The following TNN variants were observed in gnomAD, a reference collection of about 807,000 sequenced individuals.
TNN encodes tenascin N.
A neutral mutation model predicts 134.4 loss-of-function variants in TNN; 122 were observed. That is an observed-to-expected ratio of 0.91 (90% CI 0.78 to 1.06). The LOEUF is 1.06. TNN is among the 50% of genes least tolerant of loss of function. The pLI, the probability that TNN is intolerant of heterozygous loss-of-function variation, is 0.00. For missense variants in TNN, 1,739 were observed against 1,699.4 expected (o/e 1.02, Z -0.41); for synonymous variants, 710 against 670.3 (o/e 1.06, Z -0.91).
rs184282750 is a variant in TNN at position 175,094,964 on chromosome 1, T to C, written c.1588+711T>C. Among the ~76,000 whole-genome samples the C allele has an allele frequency of 8.2e-4, 125 of 152,328 alleles. 1 individual carries two copies. The highest frequency in any genetic ancestry group is 2.9e-3 in the African/African-American group (121 of 41,592). ...GGACAGTTACTGAGTATAGAGACTC[T>C]CAGAGAAGCAGAGAGATGGTTAGGA... is the stretch of plus-strand genomic sequence containing the variant. On this transcript the variant is annotated intron_variant, in intron 7 of 18. Coordinates refer to ENST00000239462, the MANE Select transcript of TNN (RefSeq NM_022093.2).
chr1:175,080,720 C>T (rs1674179464), intron 4 of TNN, among the ~76,000 whole-genome samples: 1 of 152,152 alleles, frequency 6.6e-6, no homozygotes. Flanking sequence ...CATGAATCCC[C>T]AGTCTCTTAC....
intron 9 of TNN, among the ~76,000 whole-genome samples, chr1:175,114,637 T>A (rs1189431618): frequency 1.3e-5 from 2 of 152,166 alleles, no homozygotes; most frequent in Admixed American, 6.5e-5. Context: ...GGGCTGGATA[T>A]AGGATGCCTA....
rs771486531 is a variant in TNN at position 175,127,089 on chromosome 1, C to CGG, written c.3045+7_3045+8dup. On this transcript the variant is annotated splice_donor_region_variant and intron_variant, in intron 13 of 18. Transcript: ENST00000239462. ...GTTCCCAGATGGCACAGTTAAGGTA[C>CGG]GGGGATTCCTTGTCTTTTCTCCTGG... 5.0e-6 allele frequency: 8 copies of CGG among 1,611,780 alleles called. No individual in the cohort carries two copies. The East Asian group carries it at 1.8e-4, about 36-fold the overall frequency.
At chr1:175,130,307 G>A (rs1675642573) in intron 15 of TNN, among the ~76,000 whole-genome samples, 1 of 152,226 alleles carries the variant, frequency 6.6e-6, no homozygotes, top group African/African-American at 2.4e-5. Flanking sequence ...CTGATGAGCA[G>A]CAATGAAGAA....
At position 175,095,681 on chromosome 1, in the gene TNN, C is replaced by T. The variant is rs1225610357; in HGVS notation, c.1588+1428C>T. ...CTCCATCTCCCGGGTTCAAGCGATT[C>T]TCCTGCCTCAGCCTCCCAAGTAGCT... On this transcript the variant is annotated intron_variant, in intron 7 of 18. Coordinates refer to ENST00000239462, the MANE Select transcript of TNN (RefSeq NM_022093.2). Among the ~76,000 whole-genome samples the T allele has an allele frequency of 2.0e-5, 3 of 152,196 alleles. No homozygotes were observed. In the East Asian group the frequency reaches 5.8e-4, roughly 29 times the overall value.
At position 175,094,161 on chromosome 1, in the gene TNN, C is replaced by G. The variant is rs17374761; in HGVS notation, c.1496C>G (p.Thr499Arg). Residue 499 changes from threonine to arginine, a missense_variant, in exon 7 of 19, where the codon ACG becomes AGG. By Grantham distance (71) the Thr-to-Arg change is moderately conservative. Coordinates refer to ENST00000239462, the MANE Select transcript of TNN (RefSeq NM_022093.2). ...VHKDESSTVL[T>R]GLKPGEAYKV... ...AAGGATGAGAGCAGCACTGTCCTGACGGGCCTGAAGCCAGGAGAGGCATAC... is the reference window on the plus strand; with the variant it reads ...AAGGATGAGAGCAGCACTGTCCTGAGGGGCCTGAAGCCAGGAGAGGCATAC... The G allele has an allele frequency of 1.2e-6, 2 of 1,614,086 alleles. No homozygotes were observed. Among genetic ancestry groups the G allele is most frequent in the Non-Finnish European group, 1.7e-6 (2 of 1,180,002 alleles).
chr1:175,108,539 C>G lies in TNN; in HGVS notation c.2120-8400C>G, dbSNP rs112974843. On this transcript the variant is annotated intron_variant, in intron 9 of 18. Transcript: ENST00000239462. The stretch of plus-strand genomic sequence containing the variant: ...ATTCGTTGGGGAGGCTCGGGCTGCA[C>G]AGGAACCCACGGAGGCAGGGGAAGG... 3.7e-3 allele frequency among the ~76,000 whole-genome samples: 567 copies of G among 152,344 alleles called. 6 individuals are homozygous for G. Among genetic ancestry groups the G allele is most frequent in the African/African-American group, 0.013 (530 of 41,578 alleles).
intron 17 of TNN, among the ~76,000 whole-genome samples, chr1:175,141,997 C>G (rs1675953602): frequency 6.6e-6 from 1 of 152,118 alleles, no homozygotes; most frequent in South Asian, 2.1e-4. Context: ...AGCCTCTGCA[C>G]AGATTCTTAG....
rs780403398 is a variant in TNN, at chr1:175,103,112, G to T, written c.2119+4517G>T. The stretch of plus-strand genomic sequence containing the variant: ...TAGCTTGATGGCCTCGATTCTAGAG[G>T]AAACAAATTTGACAAGAAGGTTAAA... On this transcript the variant is annotated intron_variant, in intron 9 of 18. Coordinates refer to ENST00000239462, the MANE Select transcript of TNN (RefSeq NM_022093.2). 2.7e-5 allele frequency among the ~76,000 whole-genome samples: 4 copies of T among 145,964 alleles called. 1 individual carries two copies. Among genetic ancestry groups the T allele is most frequent in the Non-Finnish European group, 6.1e-5 (4 of 65,752 alleles).
chr1:175,088,006 A>G (rs1185020851), intron 6 of TNN, among the ~76,000 whole-genome samples: 1 of 152,242 alleles, frequency 6.6e-6, no homozygotes, highest in Non-Finnish European at 1.5e-5. Context: ...ACGTGCTTCC[A>G]TGGCCTCTGT....
Position 175,117,040 on chromosome 1 carries a change from C to CGCTACA in TNN, c.2222_2227dup (p.Tyr742_Thr743insSerTyr). 1.9e-6 allele frequency: 3 copies of CGCTACA among 1,614,182 alleles called. No homozygotes were observed. The highest frequency in any genetic ancestry group is 2.5e-6 in the Non-Finnish European group (3 of 1,180,038). On this transcript the variant is annotated inframe_insertion, in exon 10 of 19. Transcript: ENST00000239462. Reference sequence around the variant, plus strand: ...GGCCACCATTGACAGGTATGTGGTGCGCTACACCTCTGCCAAGGACGGAGA... The same window carrying CGCTACA: ...GGCCACCATTGACAGGTATGTGGTGCGCTACAGCTACACCTCTGCCAAGGACGGAGA...
chr1:175,136,322 C>T (rs1173696839), intron 16 of TNN, among the ~76,000 whole-genome samples: 1 of 150,876 alleles, frequency 6.6e-6, no homozygotes, highest in Non-Finnish European at 1.5e-5. Flanking sequence ...GCAATTTTTT[C>T]CCCCTTTTCC....
chr1:175,135,852 A>G lies in TNN; in HGVS notation c.3338A>G (p.Gln1113Arg). 6.2e-7 allele frequency: 1 copy of G among 1,613,572 alleles called. No homozygotes were observed. Residue 1113 changes from glutamine to arginine, a missense_variant, in exon 16 of 19, where the codon CAG (glutamine) becomes CGG (arginine). Gln to Arg is a conservative substitution (Grantham distance 43, BLOSUM62 1). Coordinates refer to ENST00000239462, the MANE Select transcript of TNN (RefSeq NM_022093.2). ...ATTCATCTTCCTTCTCAGGTCTTCC[A>G]GAGGCGGAACACTGGGCAGCTGGAT... ...ETDGGGWIVFQRRNTGQLDFF... is the reference protein window; with the variant it reads ...ETDGGGWIVFRRRNTGQLDFF...
intron 9 of TNN, among the ~76,000 whole-genome samples, chr1:175,109,872 G>A (rs1479746295): frequency 6.6e-6 from 1 of 151,918 alleles, no homozygotes; most frequent in Non-Finnish European, 1.5e-5. Flanking sequence ...TGTATACTCA[G>A]CAGTGAGGTT....
At chr1:175,098,698 C>T in intron 9 of TNN, 103 bp downstream of exon 9, 3 of 1,524,428 alleles carry the variant, frequency 2.0e-6, no homozygotes, top group Non-Finnish European at 2.7e-6. Flanking sequence ...TATGGAAGAG[C>T]AGGTTGGTAT....
rs776526694 is a variant in TNN, at chr1:175,118,823, A to G, written c.2649A>G (p.Thr883=). ...AGAAGGCTGACACCAAGGCCCAGAC[A>G]GGTAATAGAAGTGAAGAGAAGAGCA... ...ESKKADTKAQ[T]EIDGPKNLVT... Residue 883 remains threonine (T), a splice_region_variant and synonymous_variant, in exon 11 of 19, where the codon ACA becomes ACG. Coordinates refer to ENST00000239462, the MANE Select transcript of TNN (RefSeq NM_022093.2). The G allele has an allele frequency of 6.2e-7, 1 of 1,614,110 alleles. No homozygotes were observed. Among genetic ancestry groups the G allele is most frequent in the Non-Finnish European group, 8.5e-7 (1 of 1,179,986 alleles).
intron 4 of TNN, among the ~76,000 whole-genome samples, chr1:175,082,485 G>A (rs1674220717): frequency 6.6e-6 from 1 of 152,108 alleles, no homozygotes; most frequent in African/African-American, 2.4e-5. Context: ...TAAGCCTCAA[G>A]TCACATTTAT....
At chr1:175,104,301 G>A (rs1004353878) in intron 9 of TNN, among the ~76,000 whole-genome samples, 1 of 145,292 alleles carries the variant, frequency 6.9e-6, no homozygotes, top group Admixed American at 6.9e-5. Flanking sequence ...GGCTCAGTGA[G>A]GGTGATGACA....
At chr1:175,074,698 G>A (rs1479402105) in intron 1 of TNN, among the ~76,000 whole-genome samples, 2 of 152,116 alleles carry the variant, frequency 1.3e-5, no homozygotes, top group African/African-American at 4.8e-5. Context: ...ATGAAGGAGT[G>A]GGAGGGCAAA....
Sources: allele counts gnomAD v4.1 joint callset (sites outside exome capture counted in the v4.1 genomes callset), GRCh38; gene constraint gnomAD v4.1.1; transcripts MANE v1.5; gene names NCBI Gene and HGNC (gene_info 2026-07-23, HGNC 2026-07-21).